Variants in ATIC observed in about 807,000 individuals in gnomAD.
ATIC encodes bifunctional purine biosynthesis protein ATIC.
In ATIC, 64 loss-of-function variants were observed where a neutral mutation model predicts 72.5. The observed-to-expected ratio is 0.88, with a 90% CI of 0.72 to 1.09. The LOEUF (loss-of-function observed/expected upper bound fraction) is 1.09. ATIC is among the 50% of genes least tolerant of loss of function. The probability of loss-of-function intolerance (pLI) is 0.00; values close to 1 mark genes in which losing one functional copy is unlikely to be tolerated. For missense variants in ATIC, 787 were observed against 732.4 expected, an observed-to-expected ratio of 1.07 and a Z score of -0.86; for synonymous variants, 281 against 267.1, an observed-to-expected ratio of 1.05 and a Z score of -0.51.
chr2:215,318,089 A>C, intron 2 of ATIC, 68 bp from the exon 3 acceptor site: 1 of 1,373,396 alleles, frequency 7.3e-7, no homozygotes, highest in Non-Finnish European at 1.0e-6. Flanking sequence ...AAAACAGTAG[A>C]TGCTTTGAAT....
chr2:215,354,058 G>A (rs2053149039), downstream of ATIC, among the ~76,000 whole-genome samples: 1 of 150,878 alleles, frequency 6.6e-6, no homozygotes, highest in South Asian at 2.1e-4. Flanking sequence ...GTCGTTCCCT[G>A]TTGCCGATGC....
intron 2 of ATIC, among the ~76,000 whole-genome samples, chr2:215,313,758 T>C (rs557572479): frequency 9.8e-5 from 15 of 152,320 alleles, no homozygotes; most frequent in African/African-American, 3.1e-4. Flanking sequence ...ATGGTAAGAA[T>C]GCCTTACTTT....
chr2:215,344,928 A>G, intron 13 of ATIC, 57 bp downstream of exon 13: 1 of 1,519,770 alleles, frequency 6.6e-7, no homozygotes, highest in Admixed American at 1.7e-5. Context: ...AATGATATTT[A>G]AACATCCGTC....
chr2:215,327,947 GA>G (rs957407352), intron 7 of ATIC, among the ~76,000 whole-genome samples: 1 of 151,676 alleles, frequency 6.6e-6, no homozygotes, highest in African/African-American at 2.4e-5. Flanking sequence ...ACCCAGGCTG[GA>G]GTGCAGTGGC....
At chr2:215,332,714 G>A (rs2052909240) in intron 8 of ATIC, among the ~76,000 whole-genome samples, 1 of 152,088 alleles carries the variant, frequency 6.6e-6, no homozygotes, top group Non-Finnish European at 1.5e-5. Context: ...AAATGAGGCA[G>A]GAATTTGTTT....
At chr2:215,348,880 C>G (rs2053099343) in intron 14 of ATIC, 1 of 326,154 alleles carries the variant, frequency 3.1e-6, no homozygotes, top group African/African-American at 2.2e-5. Flanking sequence ...ATTGCTTGAA[C>G]CTGGGAGGTG....
intron 2 of ATIC, among the ~76,000 whole-genome samples, chr2:215,316,903 T>A (rs571245478): frequency 6.6e-6 from 1 of 152,036 alleles, no homozygotes; most frequent in African/African-American, 2.4e-5. Flanking sequence ...GCTGGGATTA[T>A]AGGCATGCCC....
chr2:215,337,477 C>T (rs1279718628), intron 11 of ATIC, among the ~76,000 whole-genome samples: 1 of 152,086 alleles, frequency 6.6e-6, no homozygotes, highest in African/African-American at 2.4e-5. Flanking sequence ...AGCGATTTTC[C>T]TGCCTCACCC....
At chr2:215,331,472 T>C (rs1403245991) in intron 7 of ATIC, among the ~76,000 whole-genome samples, 1 of 146,962 alleles carries the variant, frequency 6.8e-6, no homozygotes, top group Non-Finnish European at 1.5e-5. Flanking sequence ...AACCTCCACC[T>C]TCCAGGTTCA....
the ATIC span, chr2:215,361,340 G>T: frequency 1.7e-6 from 1 of 592,650 alleles, no homozygotes; most frequent in Non-Finnish European, 3.0e-6. Flanking sequence ...AAGCAGAACA[G>T]GCAATGTGCA....
intron 15 of ATIC, 135 bp downstream of exon 15, chr2:215,349,384 T>G (rs1365583462): frequency 6.4e-7 from 1 of 1,569,394 alleles, no homozygotes; most frequent in Non-Finnish European, 8.7e-7. Context: ...ATTTGACTTC[T>G]CCATTGGGTG....
intron 12 of ATIC, among the ~76,000 whole-genome samples, chr2:215,344,100 C>T (rs544466912): frequency 3.3e-5 from 5 of 152,256 alleles, no homozygotes; most frequent in South Asian, 4.1e-4. Flanking sequence ...TGGTTCTGAA[C>T]GTAAATTTTA....
chr2:215,334,274 A>G (rs544195087), intron 9 of ATIC, among the ~76,000 whole-genome samples: 3 of 143,786 alleles, frequency 2.1e-5, no homozygotes, highest in East Asian at 4.3e-4. Context: ...GCTCACTGCA[A>G]CCTCCACCTC....
In ATIC at chr2:215,334,912, T is replaced by G. The variant is rs765671390; in HGVS notation, c.923-7T>G. The G allele has an allele frequency of 7.4e-6, 12 of 1,611,666 alleles. No individual in the cohort carries two copies. In the South Asian group the frequency reaches 1.2e-4, roughly 16 times the overall value. ...TGATAAATACCTCATTTTAATTTTATTTACAGGGGCTGATAGGATGTCTTC... is the reference window on the plus strand; with the variant it reads ...TGATAAATACCTCATTTTAATTTTAGTTACAGGGGCTGATAGGATGTCTTC... On this transcript the variant is annotated splice_polypyrimidine_tract_variant and splice_region_variant and intron_variant, in intron 9 of 15. Transcript: ENST00000236959.
chr2:215,325,318 A>C lies in ATIC; in HGVS notation c.368A>C (p.Gln123Pro). Residue 123 changes from glutamine to proline, a missense_variant, in exon 5 of 16, where the codon CAA becomes CCA. Physicochemically the swap from Gln to Pro is moderately conservative, Grantham distance 76. Transcript: ENST00000236959. Reference protein sequence around the residue: ...PGVTVEEAVEQIDIGGVTLLR... With the variant: ...PGVTVEEAVEPIDIGGVTLLR... Reference sequence around the variant, plus strand: ...GTAACTGTTGAGGAGGCTGTGGAGCAAATTGACATTGGTAAGTCAGAAAAA... The same window carrying C: ...GTAACTGTTGAGGAGGCTGTGGAGCCAATTGACATTGGTAAGTCAGAAAAA... 2.5e-6 allele frequency: 4 copies of C among 1,613,154 alleles called. No homozygotes were observed. The highest frequency in any genetic ancestry group is 3.4e-6 in the Non-Finnish European group (4 of 1,179,112).
At chr2:215,348,984 AAAC>A in intron 14 of ATIC, 107 bp from the exon 15 acceptor site, 2 of 986,180 alleles carry the variant, frequency 2.0e-6, no homozygotes, top group Non-Finnish European at 2.9e-6. Context: ...ATAATAATAA[AAAC>A]AAGTCCTAAG....
chr2:215,319,503 A>T (rs915034380), intron 3 of ATIC, among the ~76,000 whole-genome samples, 162 bp from the exon 4 acceptor site: 2 of 152,164 alleles, frequency 1.3e-5, no homozygotes, highest in Non-Finnish European at 2.9e-5. Flanking sequence ...TGATTACGCC[A>T]CTACAATCCA....
intron 1 of ATIC, 35 bp from the exon 2 acceptor site, chr2:215,312,463 C>T (rs769500559): frequency 1.9e-6 from 3 of 1,614,214 alleles, no homozygotes; most frequent in South Asian, 1.1e-5. Flanking sequence ...GTGCAATGTG[C>T]TGCGAATCAT....
chr2:215,313,535 A>AT (rs1297326867), intron 2 of ATIC, among the ~76,000 whole-genome samples: 1 of 152,206 alleles, frequency 6.6e-6, no homozygotes, highest in African/African-American at 2.4e-5. Context: ...GCTATTTAAT[A>AT]AACGGCAGTG....
Sources: gnomAD v4.1 joint callset for allele counts (sites outside exome capture counted in the v4.1 genomes callset) on GRCh38, gnomAD v4.1.1 for gene constraint, MANE v1.5 for transcripts, NCBI Gene and HGNC (gene_info 2026-07-23, HGNC 2026-07-21) for gene names.